Variants in SLC20A2 observed in about 807,000 individuals in gnomAD.
SLC20A2 encodes solute carrier family 20 member 2, also known as sodium-dependent phosphate transporter 2.
In SLC20A2, 30 loss-of-function variants were observed where a neutral mutation model predicts 61.0. That is an observed-to-expected ratio of 0.49 (90% CI 0.37 to 0.67). The LOEUF is 0.67. Among genes scored for constraint, SLC20A2 ranks in the 30% least tolerant of loss-of-function variants. The probability of loss-of-function intolerance (pLI) is 0.00; values close to 1 mark genes in which losing one functional copy is unlikely to be tolerated. For missense variants in SLC20A2, 626 were observed against 866.4 expected (o/e 0.72, Z 3.48); for synonymous variants, 351 against 353.3 (o/e 0.99, Z 0.07).
At chr8:42,522,914 G>C (rs1342834511) in intron 1 of SLC20A2, among the ~76,000 whole-genome samples, 1 of 148,380 alleles carries the variant, frequency 6.7e-6, no homozygotes, top group Non-Finnish European at 1.5e-5. Flanking sequence ...CGGGGTGGGG[G>C]GGGTCTCTCT....
intron 10 of SLC20A2, among the ~76,000 whole-genome samples, chr8:42,420,149 G>A (rs546496582): frequency 1.3e-5 from 2 of 151,228 alleles, no homozygotes; most frequent in East Asian, 3.9e-4. Context: ...TGGCACCACT[G>A]CACTCCAGCC....
At chr8:42,522,024 A>G (rs1441878349) in intron 1 of SLC20A2, among the ~76,000 whole-genome samples, 1 of 120,668 alleles carries the variant, frequency 8.3e-6, no homozygotes, top group African/African-American at 2.6e-5. Context: ...GTAATCATTT[A>G]AAAACAAAAA....
At chr8:42,419,556 A>G (rs1326639554) in intron 10 of SLC20A2, 1 of 227,160 alleles carries the variant, frequency 4.4e-6, no homozygotes, top group African/African-American at 2.3e-5. Context: ...CTCAAAAAAA[A>G]ATAAAATAAA....
intron 1 of SLC20A2, among the ~76,000 whole-genome samples, chr8:42,477,949 G>A (rs1279539101): frequency 6.6e-6 from 1 of 151,276 alleles, no homozygotes; most frequent in Non-Finnish European, 1.5e-5. Flanking sequence ...GCAGTGGCGT[G>A]ATCTCGGCTC....
chr8:42,535,423 C>A (rs1294820614), intron 1 of SLC20A2: 3 of 151,454 alleles, frequency 2.0e-5, no homozygotes, highest in African/African-American at 7.3e-5. Context: ...TGTATTTCAG[C>A]TAAGACTGAA....
At chr8:42,441,938 TC>T (rs1248403673) in intron 6 of SLC20A2, among the ~76,000 whole-genome samples, 14 of 151,208 alleles carry the variant, frequency 9.3e-5, no homozygotes, top group Non-Finnish European at 1.5e-5. Flanking sequence ...TATCAAGTTG[TC>T]CTTTTTTTTT....
At chr8:42,514,694 G>T (rs147073926) in intron 1 of SLC20A2, among the ~76,000 whole-genome samples, 3,696 of 151,322 alleles carry the variant, frequency 0.024, 141 homozygotes, top group African/African-American at 0.083. Flanking sequence ...GGAGGTAGAG[G>T]TTGCAGTGAG....
chr8:42,439,411 G>A, intron 7 of SLC20A2, 39 bp downstream of exon 7: 1 of 1,606,442 alleles, frequency 6.2e-7, no homozygotes, highest in Non-Finnish European at 8.5e-7. Context: ...GAACTTCTCT[G>A]TGCTGCCACA....
chr8:42,495,761 T>C (rs1398384581), intron 1 of SLC20A2, among the ~76,000 whole-genome samples: 1 of 152,086 alleles, frequency 6.6e-6, no homozygotes, highest in African/African-American at 2.4e-5. Context: ...CCTTTTTTTT[T>C]TTTTTCCAGA....
At chr8:42,436,046 A>G (rs1244189675) in intron 8 of SLC20A2, among the ~76,000 whole-genome samples, 1 of 151,936 alleles carries the variant, frequency 6.6e-6, no homozygotes, top group Non-Finnish European at 1.5e-5. Flanking sequence ...AACTTGGGAG[A>G]AGGAGGTTGC....
intron 1 of SLC20A2, among the ~76,000 whole-genome samples, chr8:42,516,703 T>G (rs1230834188): frequency 6.6e-6 from 1 of 152,118 alleles, no homozygotes; most frequent in Non-Finnish European, 1.5e-5. Flanking sequence ...ACAACCAAAC[T>G]CCTTTAGCAG....
Position 42,421,433 on chromosome 8 carries a change from G to A in SLC20A2, c.1795-3466C>T, listed in dbSNP as rs555026790. 3.3e-5 allele frequency among the ~76,000 whole-genome samples: 5 copies of A among 152,272 alleles called. No individual in the cohort carries two copies. In the South Asian group the frequency reaches 1.0e-3, roughly 32 times the overall value. On this transcript the variant is annotated intron_variant, in intron 10 of 10. Transcript: ENST00000520262. ...CCGTTACATTTTCTAATTGGCTATT[G>A]CTGATGAACAAGTGCTGGATTTTTC... is the stretch of plus-strand genomic sequence containing the variant.
At position 42,472,129 on chromosome 8, in the gene SLC20A2, TGA is replaced by T. The variant is rs1260526235; in HGVS notation, c.260_261del (p.Leu87HisfsTer6). 2 of 1,613,428 alleles carry T rather than the reference TGA, an allele frequency of 1.2e-6. No individual in the cohort carries two copies. The highest frequency in any genetic ancestry group is 1.7e-6 in the Non-Finnish European group (2 of 1,180,006). On this transcript the variant is annotated frameshift_variant, in exon 2 of 11. Transcript: ENST00000520262. LOFTEE classifies it high-confidence loss of function. The surrounding 1 kb of genome is among the most constrained non-coding windows in gnomAD (Gnocchi z 4.1). ...VNLYNETVET[L>X]MAGEVSAMVG... The stretch of plus-strand genomic sequence containing the variant: ...ACCATGGCACTAACTTCCCCAGCCA[TGA>T]GAGTCTCCACCGTCTCGTTGTACAG...
At chr8:42,455,257 TAGAGAGAGAG>T (rs71548583) in intron 5 of SLC20A2, among the ~76,000 whole-genome samples, 11,616 of 81,506 alleles carry the variant, frequency 0.14, 769 homozygotes, top group Admixed American at 0.23. Context: ...TATATATATA[TAGAGAGAGAG>T]AGAGAGAGAG....
chr8:42,468,121 C>A (rs763138779), intron 2 of SLC20A2, among the ~76,000 whole-genome samples: 1 of 152,030 alleles, frequency 6.6e-6, no homozygotes, highest in Non-Finnish European at 1.5e-5. Context: ...CCAAGATGGT[C>A]TCAATCTCCT....
intron 1 of SLC20A2, among the ~76,000 whole-genome samples, chr8:42,474,208 C>T (rs867418437): frequency 4.2e-4 from 63 of 151,608 alleles, no homozygotes; most frequent in South Asian, 8.4e-4. Context: ...ATAAAAATAC[C>T]CAGGGGTATA....
intron 1 of SLC20A2, among the ~76,000 whole-genome samples, chr8:42,526,267 T>A (rs192029916): frequency 2.6e-5 from 4 of 151,744 alleles, no homozygotes; most frequent in African/African-American, 9.7e-5. Context: ...AACCCCAGCA[T>A]AACCATGAGA....
intron 1 of SLC20A2, among the ~76,000 whole-genome samples, chr8:42,531,234 T>C (rs1032000796): frequency 3.9e-5 from 6 of 152,230 alleles, no homozygotes; most frequent in African/African-American, 1.4e-4. Flanking sequence ...AGCCTAATTG[T>C]GGCTTTGCGG....
intron 10 of SLC20A2, among the ~76,000 whole-genome samples, chr8:42,420,557 CTGACAGTCAG>C (rs1255942500): frequency 1.3e-5 from 2 of 152,044 alleles, no homozygotes; most frequent in South Asian, 2.1e-4. Context: ...TTTTTCTAGA[CTGACAGTCAG>C]CTATTCAACC....
Sources: gnomAD v4.1 joint callset for allele counts (sites outside exome capture counted in the v4.1 genomes callset) on GRCh38, gnomAD v4.1.1 for gene constraint, Gnocchi (gnomAD v3.1) non-coding constraint, MANE v1.5 for transcripts, NCBI Gene and HGNC (gene_info 2026-07-23, HGNC 2026-07-21) for gene names.